Variants in GRM5 observed in about 807,000 individuals in gnomAD.
GRM5 encodes the protein glutamate metabotropic receptor 5.
Under a neutral mutation model 83.1 loss-of-function variants are expected in GRM5, and 19 were observed. The ratio of observed to expected loss-of-function variants is 0.23; its 90% CI spans 0.16 to 0.34. GRM5 has a LOEUF of 0.34. Among genes scored for constraint, GRM5 ranks in the 10% least tolerant of loss-of-function variants. GRM5 has a pLI of 1.00. For synonymous variants in GRM5, 675 were observed against 633.6 expected (o/e 1.07, Z -0.98); for missense variants, 1,160 against 1,588.3 (o/e 0.73, Z 4.58).
At chr11:88,680,656 T>A (rs1055670417) in intron 3 of GRM5, among the ~76,000 whole-genome samples, 3 of 152,302 alleles carry the variant, frequency 2.0e-5, no homozygotes, top group East Asian at 3.9e-4. Context: ...TTATAAATCA[T>A]GCTGCTATAA....
At chr11:89,040,718 G>A (rs1254960038) in intron 2 of GRM5, among the ~76,000 whole-genome samples, 1 of 151,596 alleles carries the variant, frequency 6.6e-6, no homozygotes, top group East Asian at 1.9e-4. Context: ...AAAAAAGAGA[G>A]AGAGAAAGGG....
intron 2 of GRM5, among the ~76,000 whole-genome samples, chr11:88,855,090 A>C (rs1387496596): frequency 6.6e-6 from 1 of 151,924 alleles, no homozygotes; most frequent in Non-Finnish European, 1.5e-5. Context: ...GGTAGGGAAA[A>C]CTATCATTAG....
chr11:88,543,194 CACA>C (rs910474431), intron 8 of GRM5, among the ~76,000 whole-genome samples: 1 of 152,300 alleles, frequency 6.6e-6, no homozygotes, highest in East Asian at 1.9e-4. Context: ...GCACACTGTG[CACA>C]ACAACTATTT....
intron 4 of GRM5, among the ~76,000 whole-genome samples, chr11:88,605,379 A>C (rs1057363229): frequency 1.3e-5 from 2 of 151,640 alleles, no homozygotes; most frequent in Non-Finnish European, 2.9e-5. Flanking sequence ...ATGTTCTCTT[A>C]CCTGGCGATA....
intron 2 of GRM5, among the ~76,000 whole-genome samples, chr11:88,910,743 A>AAATGTATTTC (rs1452367654): frequency 6.6e-6 from 1 of 152,122 alleles, no homozygotes; most frequent in Non-Finnish European, 1.5e-5. Context: ...CATACATTTA[A>AAATGTATTTC]AATGTATTTC....
At chr11:88,569,953 C>T (rs1018201472) in intron 7 of GRM5, among the ~76,000 whole-genome samples, 1 of 151,860 alleles carries the variant, frequency 6.6e-6, no homozygotes, top group Non-Finnish European at 1.5e-5. Flanking sequence ...GTAATGACAG[C>T]AAGGAAGCAT....
chr11:88,994,954 T>C (rs35105651), intron 2 of GRM5, among the ~76,000 whole-genome samples: 128 of 152,288 alleles, frequency 8.4e-4, no homozygotes, highest in Middle Eastern at 6.8e-3. Context: ...TAACCATAAC[T>C]AAAATGAAAT....
At chr11:88,605,102 T>G in intron 4 of GRM5, 138 bp from the exon 5 acceptor site, 1 of 663,290 alleles carries the variant, frequency 1.5e-6, no homozygotes, top group Non-Finnish European at 2.6e-6. Context: ...TGGGTAACAC[T>G]GAGAAACAGT....
intron 2 of GRM5, among the ~76,000 whole-genome samples, chr11:89,004,614 G>T (rs1435704606): frequency 6.6e-6 from 1 of 152,100 alleles, no homozygotes; most frequent in African/African-American, 2.4e-5. Context: ...GTTGAAAGTG[G>T]GCATGCACAA....
intron 2 of GRM5, among the ~76,000 whole-genome samples, chr11:88,900,835 A>C (rs1369507994): frequency 2.6e-5 from 4 of 152,156 alleles, no homozygotes; most frequent in Non-Finnish European, 4.4e-5. Context: ...GAGAAGAGCC[A>C]TTTAGCCCAG....
At chr11:88,637,614 C>G (rs1464989150) in intron 4 of GRM5, among the ~76,000 whole-genome samples, 1 of 146,804 alleles carries the variant, frequency 6.8e-6, no homozygotes, top group East Asian at 2.0e-4. Flanking sequence ...GATACCATCT[C>G]ACACCAGTTA....
intron 2 of GRM5, among the ~76,000 whole-genome samples, chr11:89,034,780 A>G (rs1270934211): frequency 1.3e-5 from 2 of 151,108 alleles, no homozygotes; most frequent in Non-Finnish European, 3.0e-5. Context: ...TCAAAACACA[A>G]GTTTTAGGTT....
intron 4 of GRM5, among the ~76,000 whole-genome samples, chr11:88,628,193 A>G (rs1436708805): frequency 6.6e-6 from 1 of 152,170 alleles, no homozygotes; most frequent in Non-Finnish European, 1.5e-5. Context: ...TCTAATGCCT[A>G]GAGCCCTTAA....
intron 6 of GRM5, 77 bp downstream of exon 6, chr11:88,597,107 A>T (rs1937830528): frequency 1.1e-6 from 1 of 931,178 alleles, no homozygotes; most frequent in Non-Finnish European, 1.6e-6. Context: ...AGTGTCTAAA[A>T]TTTTTAAAAA....
At chr11:89,064,888 C>CTCTCTCTCTCTG (rs1218318990) in intron 1 of GRM5, among the ~76,000 whole-genome samples, 12 of 62,266 alleles carry the variant, frequency 1.9e-4, no homozygotes, top group African/African-American at 6.9e-4. Flanking sequence ...CTCTCTCTCT[C>CTCTCTCTCTCTG]TGTGTGTGTG....
chr11:88,818,451 T>A (rs559333460), intron 3 of GRM5, among the ~76,000 whole-genome samples: 1 of 152,192 alleles, frequency 6.6e-6, no homozygotes, highest in African/African-American at 2.4e-5. Flanking sequence ...TTCAGTAAAC[T>A]TGGAGAAGCA....
At chr11:88,658,229 T>A (rs916050045) in intron 3 of GRM5, among the ~76,000 whole-genome samples, 2 of 152,114 alleles carry the variant, frequency 1.3e-5, no homozygotes, top group African/African-American at 4.8e-5. Flanking sequence ...ATGAAACCAG[T>A]CCCTGGTGCC....
At chr11:88,836,871 G>A (rs1944104126) in intron 3 of GRM5, among the ~76,000 whole-genome samples, 1 of 151,998 alleles carries the variant, frequency 6.6e-6, no homozygotes, top group Non-Finnish European at 1.5e-5. Flanking sequence ...ACAATAAAGA[G>A]CAAATGTTTT....
intron 2 of GRM5, among the ~76,000 whole-genome samples, chr11:88,960,134 C>G (rs575819413): frequency 6.6e-6 from 1 of 152,098 alleles, no homozygotes; most frequent in Non-Finnish European, 1.5e-5. Flanking sequence ...AGCAAGGAGA[C>G]CATTTGGCCA....
Sources: gnomAD v4.1 joint callset for allele counts (sites outside exome capture counted in the v4.1 genomes callset) on GRCh38, gnomAD v4.1.1 for gene constraint, MANE v1.5 for transcripts, NCBI Gene and HGNC (gene_info 2026-07-23, HGNC 2026-07-21) for gene names.